Variants in GNAO1 observed in about 807,000 individuals in gnomAD.
The protein encoded by GNAO1 is G protein subunit alpha o1.
For missense variants in GNAO1, 166 were observed against 478.7 expected (o/e 0.35, Z 6.10); for synonymous variants, 164 against 180.7 (o/e 0.91, Z 0.74).
intron 5 of GNAO1, 197 bp from the exon 6 acceptor site, chr16:56,336,533 CA>C (rs1180847331): frequency 1.8e-6 from 1 of 557,018 alleles, no homozygotes; most frequent in African/African-American, 1.9e-5. Context: ...GGACAGACTC[CA>C]GGGGTAGTGC....
At chr16:56,297,469 C>T (rs1280055043) in intron 3 of GNAO1, among the ~76,000 whole-genome samples, 1 of 151,712 alleles carries the variant, frequency 6.6e-6, no homozygotes, top group Non-Finnish European at 1.5e-5. Flanking sequence ...TCTGTGCGCA[C>T]AGCCACCCAC....
chr16:56,305,777 G>A (rs1301192027), intron 3 of GNAO1, among the ~76,000 whole-genome samples: 2 of 152,140 alleles, frequency 1.3e-5, no homozygotes, highest in African/African-American at 2.4e-5. Flanking sequence ...TGCTGGCAGG[G>A]TTGGTTTCTT....
At chr16:56,257,368 G>A (rs1167912689) in intron 2 of GNAO1, among the ~76,000 whole-genome samples, 1 of 152,194 alleles carries the variant, frequency 6.6e-6, no homozygotes, top group Non-Finnish European at 1.5e-5. Flanking sequence ...GAATGTCTTT[G>A]CATCGGCTAG....
At chr16:56,257,670 A>G (rs1187700221) in intron 2 of GNAO1, among the ~76,000 whole-genome samples, 1 of 152,240 alleles carries the variant, frequency 6.6e-6, no homozygotes. Flanking sequence ...TTCTGACTAC[A>G]GCCCGTATTT....
chr16:56,214,172 C>T (rs1007675280), intron 2 of GNAO1, among the ~76,000 whole-genome samples: 1 of 152,132 alleles, frequency 6.6e-6, no homozygotes, highest in African/African-American at 2.4e-5. Flanking sequence ...TGTTGGGCTG[C>T]CTTGCCTTGC....
chr16:56,297,278 C>T (rs1011551890), intron 3 of GNAO1, among the ~76,000 whole-genome samples: 1 of 152,136 alleles, frequency 6.6e-6, no homozygotes, highest in African/African-American at 2.4e-5. Flanking sequence ...AGAACACTCA[C>T]GCCCTGCCCT....
chr16:56,330,417 G>A (rs2037677319), intron 4 of GNAO1, among the ~76,000 whole-genome samples: 1 of 152,110 alleles, frequency 6.6e-6, no homozygotes. Flanking sequence ...TAGTGGCTCA[G>A]CAAATTCTGC....
At chr16:56,279,360 T>C (rs1212287641) in intron 3 of GNAO1, among the ~76,000 whole-genome samples, 8 of 152,124 alleles carry the variant, frequency 5.3e-5, no homozygotes, top group Non-Finnish European at 1.0e-4. Context: ...AGCCTGAACC[T>C]GAAAGAGCCT....
At chr16:56,246,681 T>C (rs2036747757) in intron 2 of GNAO1, among the ~76,000 whole-genome samples, 1 of 152,070 alleles carries the variant, frequency 6.6e-6, no homozygotes, top group Admixed American at 6.5e-5. Context: ...TGGAGCTTGT[T>C]CTCTGTGTGT....
At chr16:56,220,559 A>AT (rs2036474821) in intron 2 of GNAO1, among the ~76,000 whole-genome samples, 1 of 150,920 alleles carries the variant, frequency 6.6e-6, no homozygotes, top group South Asian at 2.1e-4. Context: ...ATGCTCCTGC[A>AT]TTTTTTAATT....
At chr16:56,235,138 G>A (rs1431970725) in intron 2 of GNAO1, 3 of 356,712 alleles carry the variant, frequency 8.4e-6, no homozygotes, top group African/African-American at 4.3e-5. Flanking sequence ...AGAGGAGGAA[G>A]CAGCATGGCA....
chr16:56,244,053 C>T (rs1357022084), intron 2 of GNAO1, among the ~76,000 whole-genome samples: 1 of 152,196 alleles, frequency 6.6e-6, no homozygotes, highest in Non-Finnish European at 1.5e-5. Context: ...ACAGCTGGTA[C>T]AGCGGAGGCA....
At chr16:56,215,862 G>A (rs16956168) in intron 2 of GNAO1, among the ~76,000 whole-genome samples, 20,546 of 152,180 alleles carry the variant, frequency 0.14, 1,804 homozygotes, top group East Asian at 0.37. Flanking sequence ...TCAAACCACA[G>A]TTCTGTATTG....
intron 2 of GNAO1, among the ~76,000 whole-genome samples, chr16:56,233,232 A>G (rs547434372): frequency 3.2e-4 from 49 of 152,336 alleles, no homozygotes; most frequent in African/African-American, 1.0e-3. Flanking sequence ...TGTTACTGCT[A>G]TTATCATAGA....
intron 3 of GNAO1, among the ~76,000 whole-genome samples, chr16:56,312,250 G>C (rs960266977): frequency 6.6e-6 from 1 of 152,218 alleles, no homozygotes; most frequent in Admixed American, 6.5e-5. Flanking sequence ...TACTGGCTGA[G>C]GGACCGTCAG....
intron 2 of GNAO1, among the ~76,000 whole-genome samples, chr16:56,195,354 G>A (rs1489366544): frequency 6.6e-6 from 1 of 152,150 alleles, no homozygotes; most frequent in Non-Finnish European, 1.5e-5. Flanking sequence ...TCAGGGCCTT[G>A]TGCCAAGCTG....
chr16:56,336,534 A>G, intron 5 of GNAO1, 197 bp from the exon 6 acceptor site: 1 of 556,364 alleles, frequency 1.8e-6, no homozygotes, highest in Non-Finnish European at 3.2e-6. Flanking sequence ...GACAGACTCC[A>G]GGGGTAGTGC....
In GNAO1 at chr16:56,340,837, C is replaced by T. The variant is rs746569229; in HGVS notation, c.723+3977C>T. 4.3e-6 allele frequency: 7 copies of T among 1,613,292 alleles called. No individual in the cohort carries two copies. Among genetic ancestry groups the T allele is most frequent in the African/African-American group, 4.0e-5 (3 of 74,922 alleles). On this transcript the variant is annotated intron_variant, in intron 6 of 8. Transcript: ENST00000262493. Reference sequence around the variant, plus strand: ...TCACCCCTCCACTCTGTTGCAGAACCGCATGCACGAATCCCTGAAGCTTTT... The same window carrying T: ...TCACCCCTCCACTCTGTTGCAGAACTGCATGCACGAATCCCTGAAGCTTTT...
intron 3 of GNAO1, among the ~76,000 whole-genome samples, chr16:56,304,528 C>T (rs935019036): frequency 1.3e-5 from 2 of 152,168 alleles, no homozygotes; most frequent in African/African-American, 2.4e-5. Flanking sequence ...AAGACTGGTG[C>T]CTCACAGCCC....
Sources: allele counts gnomAD v4.1 joint callset (sites outside exome capture counted in the v4.1 genomes callset), GRCh38; gene constraint gnomAD v4.1.1; transcripts MANE v1.5; gene names NCBI Gene and HGNC (gene_info 2026-07-23, HGNC 2026-07-21).